The following COL28A1 variants were observed in gnomAD, a reference collection of about 807,000 sequenced individuals.
COL28A1 encodes collagen alpha-1(XXVIII) chain.
In COL28A1, 161 loss-of-function variants were observed where a neutral mutation model predicts 150.2. The ratio of observed to expected loss-of-function variants is 1.07; its 90% CI spans 0.94 to 1.22. The LOEUF (loss-of-function observed/expected upper bound fraction) is 1.22. Ranked by LOEUF, COL28A1 falls within the 50% of genes most tolerant of loss-of-function variation. The pLI, the probability that COL28A1 is intolerant of heterozygous loss-of-function variation, is 0.00. For synonymous variants in COL28A1, 552 were observed against 469.7 expected (o/e 1.18, Z -2.26); for missense variants, 1,617 against 1,388.3 (o/e 1.16, Z -2.62).
chr7:7,379,536 C>A (rs570541651), intron 30 of COL28A1, among the ~76,000 whole-genome samples: 52 of 152,222 alleles, frequency 3.4e-4, no homozygotes, highest in Non-Finnish European at 6.3e-4. Flanking sequence ...TTTCTCTCCA[C>A]CAGGCTGTGA....
At chr7:7,363,577 A>G (rs970728483) in intron 33 of COL28A1, among the ~76,000 whole-genome samples, 1 of 152,196 alleles carries the variant, frequency 6.6e-6, no homozygotes, top group Non-Finnish European at 1.5e-5. Flanking sequence ...ATCAAAAAAA[A>G]GAAAACAGAA....
chr7:7,439,065 C>G (rs555889028), intron 21 of COL28A1, among the ~76,000 whole-genome samples: 1 of 152,342 alleles, frequency 6.6e-6, no homozygotes, highest in East Asian at 1.9e-4. Flanking sequence ...GCTGACTACT[C>G]CTGCCTCCGT....
intron 27 of COL28A1, among the ~76,000 whole-genome samples, chr7:7,397,056 T>C (rs940042253): frequency 3.9e-5 from 6 of 152,194 alleles, no homozygotes; most frequent in African/African-American, 1.2e-4. Flanking sequence ...TGTTTTCTAT[T>C]GCTGTTGTAA....
intron 15 of COL28A1, among the ~76,000 whole-genome samples, chr7:7,460,451 G>T (rs1435863676): frequency 6.6e-6 from 1 of 151,750 alleles, no homozygotes; most frequent in African/African-American, 2.4e-5. Context: ...GTGCAATCTT[G>T]GCTCACTGCA....
the COL28A1 span, among the ~76,000 whole-genome samples, chr7:7,339,506 C>G: frequency 6.6e-6 from 1 of 152,078 alleles, no homozygotes; most frequent in Non-Finnish European, 1.5e-5. Flanking sequence ...TCAAGTCACT[C>G]CCTCTGGGGA....
In COL28A1 at chr7:7,443,568, C is replaced by T. The variant is rs1269263507; in HGVS notation, c.1650+17G>A. The T allele has an allele frequency of 3.7e-6, 6 of 1,613,872 alleles. No homozygotes were observed. Among genetic ancestry groups the T allele is most frequent in the Non-Finnish European group, 4.2e-6 (5 of 1,179,922 alleles). On this transcript the variant is annotated intron_variant, in intron 20 of 34. Transcript: ENST00000399429. ...CCAGAACACAGGCTGCTTCCACCAA[C>T]ACTGTCATTTCCATACCTTGGGGCC...
chr7:7,397,658 C>T (rs1300987782), intron 27 of COL28A1, among the ~76,000 whole-genome samples: 1 of 152,186 alleles, frequency 6.6e-6, no homozygotes, highest in Non-Finnish European at 1.5e-5. Flanking sequence ...CCACACTTCT[C>T]AGGCGTGAGC....
At chr7:7,472,075 G>C (rs1788480321) in intron 15 of COL28A1, among the ~76,000 whole-genome samples, 1 of 152,084 alleles carries the variant, frequency 6.6e-6, no homozygotes, top group Non-Finnish European at 1.5e-5. Context: ...ATACTGAATG[G>C]AGAAAAGCTG....
intron 5 of COL28A1, among the ~76,000 whole-genome samples, chr7:7,521,102 T>C (rs1781700532): frequency 6.6e-6 from 1 of 152,318 alleles, no homozygotes; most frequent in South Asian, 2.1e-4. Flanking sequence ...AAAATTTTTA[T>C]CCATGCATTT....
rs1780592563 is a variant in COL28A1, at chr7:7,360,484, C to T, written c.3111G>A (p.Glu1037=). 1.2e-6 allele frequency: 2 copies of T among 1,608,904 alleles called. No individual in the cohort carries two copies. Among genetic ancestry groups the T allele is most frequent in the Admixed American group, 3.4e-5 (2 of 58,674 alleles). Residue 1037 remains glutamate (E), a synonymous_variant, in exon 34 of 35, where the codon GAG becomes GAA. Coordinates refer to ENST00000399429, the MANE Select transcript of COL28A1 (RefSeq NM_001037763.3). The part of the protein sequence containing the change: ...RDQDEDDKAP[E]PTWADDLPAT... ...CAGGCAGATCATCAGCCCACGTTGG[C>T]TCTGGAGCCTTATCATCTTCATCCT...
At chr7:7,453,295 G>A in intron 17 of COL28A1, 145 bp downstream of exon 17, 1 of 641,172 alleles carries the variant, frequency 1.6e-6, no homozygotes, top group South Asian at 1.9e-5. Flanking sequence ...TAAATTGTCA[G>A]GAATATCAGT....
intron 3 of COL28A1, among the ~76,000 whole-genome samples, chr7:7,526,596 T>C (rs1279159779): frequency 6.6e-6 from 1 of 152,316 alleles, no homozygotes; most frequent in East Asian, 1.9e-4. Flanking sequence ...AAAATTTAAA[T>C]ATTTGTCACT....
chr7:7,467,847 C>T (rs1468450371), intron 15 of COL28A1, among the ~76,000 whole-genome samples: 2 of 143,994 alleles, frequency 1.4e-5, no homozygotes, highest in Non-Finnish European at 1.5e-5. Context: ...CAACCTGCTC[C>T]GGAATGACTA....
At chr7:7,462,321 G>A (rs1171142856) in intron 15 of COL28A1, among the ~76,000 whole-genome samples, 1 of 152,150 alleles carries the variant, frequency 6.6e-6, no homozygotes, top group Non-Finnish European at 1.5e-5. Context: ...AAACAAGGTT[G>A]TTTAACACCC....
intron 33 of COL28A1, among the ~76,000 whole-genome samples, chr7:7,365,371 T>C (rs985564466): frequency 2.1e-5 from 3 of 141,030 alleles, no homozygotes; most frequent in South Asian, 4.7e-4. Context: ...AGGGACACCA[T>C]AGTAAAAGGC....
chr7:7,376,904 C>T (rs1781581646), intron 30 of COL28A1, among the ~76,000 whole-genome samples: 1 of 152,154 alleles, frequency 6.6e-6, no homozygotes, highest in Non-Finnish European at 1.5e-5. Flanking sequence ...CTGACACCTC[C>T]AACAGCAGTA....
chr7:7,418,807 T>A (rs984582576), intron 26 of COL28A1, among the ~76,000 whole-genome samples: 1 of 152,104 alleles, frequency 6.6e-6, no homozygotes, highest in Admixed American at 6.5e-5. Context: ...CATCTTCCCA[T>A]CACCCAGTGA....
At chr7:7,338,500 T>C in the COL28A1 span, among the ~76,000 whole-genome samples, 3 of 152,110 alleles carry the variant, frequency 2.0e-5, no homozygotes, top group African/African-American at 7.2e-5. Flanking sequence ...GCTTGAATAT[T>C]ATTGGTGTAT....
chr7:7,541,060 C>A, the COL28A1 span, among the ~76,000 whole-genome samples: 2 of 152,168 alleles, frequency 1.3e-5, no homozygotes, highest in African/African-American at 4.8e-5. Context: ...AATAACTCTT[C>A]TAAATTTCTG....
Sources: allele counts gnomAD v4.1 joint callset (sites outside exome capture counted in the v4.1 genomes callset), GRCh38; gene constraint gnomAD v4.1.1; transcripts MANE v1.5; gene names NCBI Gene and HGNC (gene_info 2026-07-23, HGNC 2026-07-21).